The following RAVER2 variants were observed in gnomAD, a reference collection of about 807,000 sequenced individuals.
RAVER2 encodes ribonucleoprotein PTB-binding 2.
A neutral mutation model predicts 78.1 loss-of-function variants in RAVER2; 46 were observed. The observed-to-expected ratio is 0.59, with a 90% CI of 0.46 to 0.75. RAVER2 has a LOEUF of 0.75. Ranked by LOEUF, RAVER2 falls within the 30% of genes least tolerant of loss-of-function variation. RAVER2 has a pLI of 0.00. For synonymous variants in RAVER2, 311 were observed against 313.3 expected (o/e 0.99, Z 0.08); for missense variants, 793 against 837.5 (o/e 0.95, Z 0.66).
intron 1 of RAVER2, among the ~76,000 whole-genome samples, chr1:64,760,266 T>A (rs1397102272): frequency 6.6e-6 from 1 of 152,194 alleles, no homozygotes; most frequent in Admixed American, 6.5e-5. Flanking sequence ...TGTGTTCAGC[T>A]ATATGTTCTC....
chr1:64,828,019 A>C (rs569002024), intron 11 of RAVER2, among the ~76,000 whole-genome samples: 1 of 151,548 alleles, frequency 6.6e-6, no homozygotes, highest in African/African-American at 2.4e-5. Flanking sequence ...CTTTTTTGCC[A>C]TCTGCCTTTG....
chr1:64,768,554 CATGGTGGTGGTA>C (rs1160625264), intron 1 of RAVER2, 90 bp from the exon 2 acceptor site: 5 of 728,232 alleles, frequency 6.9e-6, no homozygotes, highest in Non-Finnish European at 9.6e-6. Context: ...TTACATGGGA[CATGGTGGTGGTA>C]ATGGTGGTGG....
intron 10 of RAVER2, 152 bp downstream of exon 10, chr1:64,813,001 C>A: frequency 1.9e-6 from 1 of 521,640 alleles, no homozygotes; most frequent in Non-Finnish European, 3.3e-6. Context: ...ATAATTAAAA[C>A]TAAGACACTC....
intron 3 of RAVER2, among the ~76,000 whole-genome samples, chr1:64,780,729 T>TC (rs1333289459): frequency 6.6e-6 from 1 of 152,186 alleles, no homozygotes; most frequent in East Asian, 1.9e-4. Flanking sequence ...ATCCAGGACT[T>TC]TAGTATCTTC....
At chr1:64,782,240 A>G (rs775015327) in intron 4 of RAVER2, among the ~76,000 whole-genome samples, 2 of 152,194 alleles carry the variant, frequency 1.3e-5, no homozygotes, top group Non-Finnish European at 2.9e-5. Flanking sequence ...AGTAGAGGAA[A>G]ATACGTGCCT....
intron 5 of RAVER2, among the ~76,000 whole-genome samples, chr1:64,795,903 TTATTAAG>T (rs1393971874): frequency 6.6e-6 from 1 of 152,050 alleles, no homozygotes; most frequent in East Asian, 1.9e-4. Flanking sequence ...CATTCTTTAA[TTATTAAG>T]TATTATCTTA....
At chr1:64,803,131 T>TA in intron 6 of RAVER2, 70 bp downstream of exon 6, 3 of 1,160,356 alleles carry the variant, frequency 2.6e-6, no homozygotes, top group East Asian at 2.4e-5. Context: ...TCTTAACACT[T>TA]AAAGTTCTCA....
At chr1:64,773,751 G>A (rs1005873714) in intron 2 of RAVER2, among the ~76,000 whole-genome samples, 8 of 152,280 alleles carry the variant, frequency 5.3e-5, no homozygotes, top group African/African-American at 1.7e-4. Context: ...TTGAGGAATC[G>A]CCACACTGTA....
In RAVER2 at chr1:64,830,505, G is replaced by A. The variant is rs896509399; in HGVS notation, c.1930-334G>A. On this transcript the variant is annotated intron_variant, in intron 11 of 11. Coordinates refer to ENST00000294428, the Ensembl canonical transcript of RAVER2. ...CTCCTTCAGAGGAATACTGACATTC[G>A]GTGTTGATATTCTGAGTCCGTGGGT... is the stretch of plus-strand genomic sequence containing the variant. Among the ~76,000 whole-genome samples, 6 of 152,144 alleles carry A rather than the reference G, an allele frequency of 3.9e-5. No homozygotes were observed. In the East Asian group the frequency reaches 5.8e-4, roughly 15 times the overall value.
At position 64,750,241 on chromosome 1, in the gene RAVER2, GA is replaced by G. The variant is rs374455513; in HGVS notation, c.249+4823del. 3.3e-3 allele frequency among the ~76,000 whole-genome samples: 507 copies of G among 151,844 alleles called. 1 individual carries two copies. The highest frequency in any genetic ancestry group is 0.011 in the African/African-American group (474 of 41,438). ...TAGAATCACAAACAACCAAATGTAAGAAACTCTAGTTAATCTTTTTTCGTAA... is the reference window on the plus strand; with the variant it reads ...TAGAATCACAAACAACCAAATGTAAGAACTCTAGTTAATCTTTTTTCGTAA... On this transcript the variant is annotated intron_variant, in intron 1 of 11. Coordinates refer to ENST00000294428, the Ensembl canonical transcript of RAVER2.
intron 1 of RAVER2, among the ~76,000 whole-genome samples, chr1:64,749,332 T>A (rs994087506): frequency 1.3e-5 from 2 of 152,200 alleles, no homozygotes; most frequent in African/African-American, 4.8e-5. Context: ...TGCCTCAGCC[T>A]CCCGAGTAGC....
At chr1:64,831,996 A>C (rs1237698495) in exon 12 of RAVER2, 1 of 152,148 alleles carries the variant, frequency 6.6e-6, no homozygotes. Flanking sequence ...CTGATCCCTG[A>C]TCTAATAGCA....
exon 4 of RAVER2, chr1:64,781,448 T>C (rs1478042499): frequency 6.2e-7 from 1 of 1,613,938 alleles, no homozygotes; most frequent in South Asian, 1.1e-5. Flanking sequence ...CGGAGCAGGC[T>C]GAAGAGGTCC....
chr1:64,781,346 C>T (rs748777500), intron 3 of RAVER2, 34 bp from the exon 4 acceptor site: 25 of 1,466,794 alleles, frequency 1.7e-5, no homozygotes, highest in Non-Finnish European at 1.6e-5. Context: ...AAGTAAAGAT[C>T]GGAATTACTG....
At chr1:64,778,603 G>A (rs903853374) in intron 3 of RAVER2, among the ~76,000 whole-genome samples, 4 of 151,878 alleles carry the variant, frequency 2.6e-5, no homozygotes, top group Non-Finnish European at 4.4e-5. Context: ...ATGTGGTCAC[G>A]GTAGGTGAGA....
At chr1:64,759,578 G>A (rs866015024) in intron 1 of RAVER2, among the ~76,000 whole-genome samples, 13 of 149,004 alleles carry the variant, frequency 8.7e-5, no homozygotes, top group Non-Finnish European at 1.5e-4. Context: ...GTGCAGTGGC[G>A]CGATTTCGGC....
rs757682921 is a variant in RAVER2 at position 64,804,880 on chromosome 1, CT to C, written c.1296+46del. On this transcript the variant is annotated intron_variant, in intron 7 of 11. Transcript: ENST00000294428. ...TTTTTCTTTTAAAATCAGTTCATTT[CT>C]TTTCTAGAATCAGGCTGTGGATCAG... 3 of 1,509,118 alleles carry C rather than the reference CT, an allele frequency of 2.0e-6. No homozygotes were observed. The African/African-American group carries it at 4.2e-5, about 21-fold the overall frequency. 93.5% of individuals were successfully genotyped at this position (1,509,118 alleles called of 1,614,324 possible).
Position 64,804,715 on chromosome 1 carries a change from C to A in RAVER2, c.1192-19C>A. ...TAGCTTTTCAAAATTAAACTGACAA[C>A]GTTTTGTCATTTTCACAGAGCTCAG... On this transcript the variant is annotated intron_variant, in intron 6 of 11. Transcript: ENST00000294428. 8.2e-7 allele frequency: 1 copy of A among 1,216,188 alleles called. No homozygotes were observed. The highest frequency in any genetic ancestry group is 1.2e-6 in the Non-Finnish European group (1 of 836,628). The allele number at this position is 1,216,188 out of a possible 1,614,324, so 75.3% of individuals were successfully genotyped here.
intron 2 of RAVER2, among the ~76,000 whole-genome samples, chr1:64,769,734 G>A (rs1652264423): frequency 6.6e-6 from 1 of 151,922 alleles, no homozygotes; most frequent in Admixed American, 6.6e-5. Context: ...TGAGCAAAAC[G>A]TCCTTCCTTC....
Sources: gnomAD v4.1 joint callset for allele counts (sites outside exome capture counted in the v4.1 genomes callset) on GRCh38, gnomAD v4.1.1 for gene constraint, MANE v1.5 for transcripts, NCBI Gene and HGNC (gene_info 2026-07-23, HGNC 2026-07-21) for gene names.